B3GAT2: variants seen among roughly 807,000 people sequenced by gnomAD.
B3GAT2 encodes beta-1,3-glucuronyltransferase 2.
In B3GAT2, 26 loss-of-function variants were observed where a neutral mutation model predicts 27.8. The observed-to-expected ratio is 0.93, with a 90% confidence interval of 0.68 to 1.30. The LOEUF is 1.30. Ranked by LOEUF, B3GAT2 falls within the 50% of genes most tolerant of loss-of-function variation. The pLI is 0.00. For synonymous variants in B3GAT2, 218 were observed against 195.1 expected (o/e 1.12, Z -0.98); for missense variants, 458 against 459.0 (o/e 1.00, Z 0.02).
In B3GAT2 at chr6:70,860,415, T is replaced by C. The variant is rs1193702931; in HGVS notation, c.*1248A>G. The stretch of plus-strand genomic sequence containing the variant: ...CATCTAGTTCCCCTGTTTATTCATA[T>C]GCATATTTTTTTTCTTTTTACCCAT... On this transcript the variant is annotated 3_prime_UTR_variant, in exon 4 of 4. Coordinates refer to ENST00000230053, the MANE Select transcript of B3GAT2 (RefSeq NM_080742.3). 5.3e-6 allele frequency: 8 copies of C among 1,499,524 alleles called. No individual in the cohort carries two copies. The highest frequency in any genetic ancestry group is 1.4e-5 in the African/African-American group (1 of 70,936). The allele number at this position is 1,499,524 out of a possible 1,614,324, so 92.9% of individuals were successfully genotyped here. A position where few individuals can be genotyped will look rare whatever the true frequency, so the allele number is the denominator to read the frequency against.
chr6:70,864,840 C>G (rs558466813), intron 2 of B3GAT2, among the ~76,000 whole-genome samples: 3 of 152,052 alleles, frequency 2.0e-5, no homozygotes, highest in African/African-American at 7.2e-5. Context: ...TATATCTTTC[C>G]TTTTTTAGTG....
Position 70,956,298 on chromosome 6 carries a change from C to G in B3GAT2, c.132G>C (p.Ala44=). The G allele has an allele frequency of 6.3e-7, 1 of 1,599,794 alleles. No individual in the cohort carries two copies. Among genetic ancestry groups the G allele is most frequent in the Non-Finnish European group, 8.5e-7 (1 of 1,172,916 alleles). ...GGAGTCGGGCGCCCCCGCGGCCCAC[C>G]GCGTAGGGAGAGAAGTAGGGGCGCG... ...LTPRPYFSPY[A]VGRGGARLPL... Residue 44 remains alanine, a synonymous_variant, in exon 1 of 4, where the codon GCG becomes GCC. Transcript: ENST00000230053.
intron 1 of B3GAT2, among the ~76,000 whole-genome samples, chr6:70,897,148 AT>A (rs1263626377): frequency 6.6e-6 from 1 of 152,100 alleles, no homozygotes; most frequent in Non-Finnish European, 1.5e-5. Context: ...TTTAATTTGC[AT>A]TATTTTAATG....
chr6:70,863,157 C>T (rs954798348), intron 2 of B3GAT2, among the ~76,000 whole-genome samples: 2 of 152,186 alleles, frequency 1.3e-5, no homozygotes, highest in Non-Finnish European at 2.9e-5. Flanking sequence ...CAGGCACCCT[C>T]CCAGAGTTGA....
At chr6:70,917,121 T>A (rs1220908974) in intron 1 of B3GAT2, among the ~76,000 whole-genome samples, 1 of 152,210 alleles carries the variant, frequency 6.6e-6, no homozygotes, top group Non-Finnish European at 1.5e-5. Flanking sequence ...CCTGGTTTAG[T>A]CTTGGGAGGG....
chr6:70,864,596 A>G (rs1771819540), intron 2 of B3GAT2, among the ~76,000 whole-genome samples: 1 of 152,180 alleles, frequency 6.6e-6, no homozygotes, highest in Admixed American at 6.5e-5. Flanking sequence ...CAGCTAACGC[A>G]ATTTCCTTTG....
intron 1 of B3GAT2, among the ~76,000 whole-genome samples, chr6:70,941,160 A>C (rs1211512439): frequency 6.6e-6 from 1 of 152,136 alleles, no homozygotes; most frequent in Non-Finnish European, 1.5e-5. Flanking sequence ...TAATTTGGGA[A>C]AGTCAAGTGC....
rs879024739 is a variant in B3GAT2, at chr6:70,858,332, C to T, written c.*3331G>A. ...TTTTTTTTTAAGTCTAGTGATCTGGCAGAAAGAATTCAATAGGGATAATAT... is the reference window on the plus strand; with the variant it reads ...TTTTTTTTTAAGTCTAGTGATCTGGTAGAAAGAATTCAATAGGGATAATAT... On this transcript the variant is annotated 3_prime_UTR_variant, in exon 4 of 4. Coordinates refer to ENST00000230053, the MANE Select transcript of B3GAT2 (RefSeq NM_080742.3). 7.3e-5 allele frequency: 76 copies of T among 1,034,514 alleles called. 1 individual carries two copies. In the South Asian group the frequency reaches 1.4e-3, roughly 19 times the overall value. 64.1% of individuals were successfully genotyped at this position (1,034,514 alleles called of 1,614,324 possible).
At chr6:70,916,401 GC>G (rs1190989116) in intron 1 of B3GAT2, among the ~76,000 whole-genome samples, 2 of 152,030 alleles carry the variant, frequency 1.3e-5, no homozygotes, top group Non-Finnish European at 2.9e-5. Flanking sequence ...TATTTCTCTT[GC>G]CTTATTGCCC....
intron 1 of B3GAT2, among the ~76,000 whole-genome samples, chr6:70,914,940 C>T (rs942293947): frequency 6.6e-6 from 1 of 152,154 alleles, no homozygotes; most frequent in African/African-American, 2.4e-5. Context: ...ATTGCTGGGT[C>T]AAATGGTATT....
intron 1 of B3GAT2, among the ~76,000 whole-genome samples, chr6:70,937,224 G>A (rs1185647726): frequency 6.6e-6 from 1 of 151,802 alleles, no homozygotes; most frequent in Non-Finnish European, 1.5e-5. Context: ...TCTCTGAATA[G>A]ACCAATAACA....
chr6:70,862,806 C>CA lies in B3GAT2; in HGVS notation c.737-829dup, dbSNP rs1481378175. Among the ~76,000 whole-genome samples, 27 of 151,560 alleles carry CA rather than the reference C, an allele frequency of 1.8e-4. No homozygotes were observed. The South Asian group carries it at 1.9e-3, about 11-fold the overall frequency. On this transcript the variant is annotated intron_variant, in intron 2 of 3. Transcript: ENST00000230053. ...GCAGCATAATGAGACCCTGTCTCTA[C>CA]AAAAAATACAAAAATTAGCTGGGTG...
intron 1 of B3GAT2, among the ~76,000 whole-genome samples, chr6:70,908,856 T>G (rs574333742): frequency 6.6e-6 from 1 of 152,122 alleles, no homozygotes; most frequent in East Asian, 1.9e-4. Context: ...GAAAACATAC[T>G]CAGAATATGT....
chr6:70,885,640 C>T (rs1235822870), intron 2 of B3GAT2, among the ~76,000 whole-genome samples: 2 of 152,258 alleles, frequency 1.3e-5, no homozygotes, highest in East Asian at 3.9e-4. Flanking sequence ...TTCTTAAATA[C>T]TACCGTTAAG....
intron 2 of B3GAT2, among the ~76,000 whole-genome samples, chr6:70,873,028 C>T (rs1318479617): frequency 6.6e-6 from 1 of 152,054 alleles, no homozygotes; most frequent in Admixed American, 6.5e-5. Context: ...ACATTTTGTG[C>T]TCCTCAAACC....
chr6:70,903,133 T>G (rs1772537161), intron 1 of B3GAT2, among the ~76,000 whole-genome samples: 1 of 151,968 alleles, frequency 6.6e-6, no homozygotes, highest in Non-Finnish European at 1.5e-5. Flanking sequence ...TATACCATTT[T>G]TATTAACTAA....
chr6:70,881,303 C>A (rs755242264), intron 2 of B3GAT2, among the ~76,000 whole-genome samples: 1 of 152,308 alleles, frequency 6.6e-6, no homozygotes, highest in Non-Finnish European at 1.5e-5. Context: ...GATGCCACAT[C>A]TTTTAAAATC....
rs1771622430 is a variant in B3GAT2, at chr6:70,859,769, C to T, written c.*1894G>A. 5.7e-6 allele frequency: 1 copy of T among 175,912 alleles called. No individual in the cohort carries two copies. Among genetic ancestry groups the T allele is most frequent in the Non-Finnish European group, 1.2e-5 (1 of 83,944 alleles). 10.9% of individuals were successfully genotyped at this position (175,912 alleles called of 1,614,324 possible). ...AGCGAGAGAAATAAATGCTTTATGA[C>T]CACTTTAAAAATATTTAGGAAGTAT... On this transcript the variant is annotated 3_prime_UTR_variant, in exon 4 of 4. Transcript: ENST00000230053.
chr6:70,936,430 C>T (rs1166313233), intron 1 of B3GAT2, among the ~76,000 whole-genome samples: 2 of 151,968 alleles, frequency 1.3e-5, no homozygotes, highest in Non-Finnish European at 2.9e-5. Flanking sequence ...AACTCTCCAC[C>T]CCAAATCAAC....
Sources: allele counts gnomAD v4.1 joint callset (sites outside exome capture counted in the v4.1 genomes callset), GRCh38; gene constraint gnomAD v4.1.1; transcripts MANE v1.5; gene names NCBI Gene and HGNC (gene_info 2026-07-23, HGNC 2026-07-21).